The following ZNF521 variants were observed in gnomAD, a reference collection of about 807,000 sequenced individuals.
ZNF521 encodes the protein zinc finger protein 521, also known as LYST-interacting protein 3.
Under a neutral mutation model 105.5 loss-of-function variants are expected in ZNF521, and 14 were observed. The observed-to-expected ratio is 0.13, with a 90% CI of 0.09 to 0.21. The LOEUF is 0.21. Among genes scored for constraint, ZNF521 ranks in the 10% least tolerant of loss-of-function variants. The probability of loss-of-function intolerance (pLI) is 1.00; values close to 1 mark genes in which losing one functional copy is unlikely to be tolerated. For missense variants in ZNF521, 1,233 were observed against 1,629.7 expected (o/e 0.76, Z 4.19); for synonymous variants, 635 against 606.0 (o/e 1.05, Z -0.70).
At chr18:25,247,778 A>G (rs1158806518) in intron 3 of ZNF521, among the ~76,000 whole-genome samples, 12 of 152,192 alleles carry the variant, frequency 7.9e-5, no homozygotes, top group Non-Finnish European at 1.8e-4. Context: ...GATGAAGTCT[A>G]GAGGCAGGGA....
At chr18:25,099,381 T>C (rs1191370463) in intron 5 of ZNF521, among the ~76,000 whole-genome samples, 1 of 152,198 alleles carries the variant, frequency 6.6e-6, no homozygotes, top group East Asian at 1.9e-4. Context: ...AGTGCTTGGC[T>C]TCTTTATTTC....
At chr18:25,278,685 AC>A (rs1480638889) in intron 3 of ZNF521, among the ~76,000 whole-genome samples, 1 of 152,218 alleles carries the variant, frequency 6.6e-6, no homozygotes, top group Non-Finnish European at 1.5e-5. Flanking sequence ...AAGAAATTGC[AC>A]TGTAATTTAA....
intron 5 of ZNF521, among the ~76,000 whole-genome samples, chr18:25,108,753 T>C (rs2034123946): frequency 7.4e-6 from 1 of 134,836 alleles, no homozygotes; most frequent in South Asian, 2.9e-4. Flanking sequence ...GCCTCCTGAG[T>C]AGCTGGGACT....
intron 2 of ZNF521, among the ~76,000 whole-genome samples, chr18:25,329,306 T>C (rs185928479): frequency 1.1e-4 from 16 of 152,264 alleles, no homozygotes; most frequent in Admixed American, 5.9e-4. Context: ...TTGAAACTTA[T>C]CACTTTTCTG....
At chr18:25,150,270 G>T (rs113899888) in intron 5 of ZNF521, among the ~76,000 whole-genome samples, 2 of 151,836 alleles carry the variant, frequency 1.3e-5, no homozygotes, top group Non-Finnish European at 2.9e-5. Flanking sequence ...TGGACTTTGG[G>T]GACTCAGGGG....
intron 2 of ZNF521, among the ~76,000 whole-genome samples, chr18:25,328,994 G>A (rs1383021628): frequency 6.6e-6 from 1 of 152,184 alleles, no homozygotes; most frequent in Non-Finnish European, 1.5e-5. Flanking sequence ...CTACCTTAAA[G>A]TCATTTAACT....
At chr18:25,139,046 T>C (rs2144426621) in intron 5 of ZNF521, among the ~76,000 whole-genome samples, 1 of 152,170 alleles carries the variant, frequency 6.6e-6, no homozygotes, top group East Asian at 1.9e-4. Flanking sequence ...GGTTGTTGAG[T>C]AAGCGTTCCA....
chr18:25,150,756 C>T (rs187353988), intron 5 of ZNF521, among the ~76,000 whole-genome samples: 1 of 152,248 alleles, frequency 6.6e-6, no homozygotes, highest in East Asian at 1.9e-4. Context: ...TCCATTTCTT[C>T]TCCATTTCCA....
intron 4 of ZNF521, among the ~76,000 whole-genome samples, chr18:25,222,877 C>A (rs1000283247): frequency 6.6e-6 from 1 of 152,040 alleles, no homozygotes; most frequent in Admixed American, 6.6e-5. Flanking sequence ...TACCCTTATT[C>A]TTAGGAGATG....
chr18:25,067,634 G>C (rs1259092721), intron 7 of ZNF521, among the ~76,000 whole-genome samples: 3 of 152,142 alleles, frequency 2.0e-5, no homozygotes, highest in African/African-American at 7.2e-5. Context: ...CTTGGCTAAA[G>C]ACATTCCATT....
intron 7 of ZNF521, among the ~76,000 whole-genome samples, chr18:25,087,118 G>C (rs1160623371): frequency 6.6e-6 from 1 of 152,066 alleles, no homozygotes; most frequent in Admixed American, 6.6e-5. Flanking sequence ...AGATTTCTCA[G>C]TTTTGATTTT....
intron 5 of ZNF521, among the ~76,000 whole-genome samples, chr18:25,178,818 C>T (rs1338985063): frequency 6.6e-6 from 1 of 152,114 alleles, no homozygotes; most frequent in Non-Finnish European, 1.5e-5. Context: ...CTAAGAACAC[C>T]TCAGCACAGG....
intron 5 of ZNF521, among the ~76,000 whole-genome samples, chr18:25,189,546 AG>A (rs1049794452): frequency 9.2e-5 from 14 of 152,332 alleles, no homozygotes; most frequent in African/African-American, 3.1e-4. Flanking sequence ...ACCAGGCCAC[AG>A]GCTCCATCCT....
chr18:25,312,917 T>C (rs1912398752), intron 3 of ZNF521, among the ~76,000 whole-genome samples: 1 of 151,946 alleles, frequency 6.6e-6, no homozygotes, highest in African/African-American at 2.4e-5. Context: ...GCCCTGACAG[T>C]TGAACAAAGT....
intron 3 of ZNF521, among the ~76,000 whole-genome samples, chr18:25,321,508 G>C (rs914866795): frequency 5.9e-5 from 9 of 152,154 alleles, no homozygotes; most frequent in African/African-American, 2.2e-4. Flanking sequence ...TCAGTCTAAC[G>C]AGTGAGATGG....
chr18:25,077,991 T>C (rs2033404705), intron 7 of ZNF521, among the ~76,000 whole-genome samples: 1 of 152,152 alleles, frequency 6.6e-6, no homozygotes, highest in Non-Finnish European at 1.5e-5. Context: ...TCATAAAATA[T>C]CTGCAGTCCA....
At chr18:25,241,889 C>G (rs752530907) in intron 3 of ZNF521, among the ~76,000 whole-genome samples, 8 of 152,126 alleles carry the variant, frequency 5.3e-5, no homozygotes, top group Non-Finnish European at 1.0e-4. Flanking sequence ...TTCAAACCCA[C>G]GCTGCCTTAG....
At chr18:25,266,749 A>G (rs1411489372) in intron 3 of ZNF521, among the ~76,000 whole-genome samples, 1 of 152,168 alleles carries the variant, frequency 6.6e-6, no homozygotes, top group Non-Finnish European at 1.5e-5. Context: ...CGGTCTTCAC[A>G]ACCCACAGAC....
intron 3 of ZNF521, among the ~76,000 whole-genome samples, chr18:25,270,382 T>C (rs1001095655): frequency 6.6e-6 from 1 of 152,176 alleles, no homozygotes; most frequent in Non-Finnish European, 1.5e-5. Flanking sequence ...TCTGAAACTA[T>C]TCCAAACAAT....
Sources: gnomAD v4.1 joint callset for allele counts (sites outside exome capture counted in the v4.1 genomes callset) on GRCh38, gnomAD v4.1.1 for gene constraint, MANE v1.5 for transcripts, NCBI Gene and HGNC (gene_info 2026-07-23, HGNC 2026-07-21) for gene names.